The following HSPA12A variants were observed in gnomAD, a reference collection of about 807,000 sequenced individuals.
The protein encoded by HSPA12A is heat shock 70 kDa protein 12A.
Under a neutral mutation model 69.2 loss-of-function variants are expected in HSPA12A, and 28 were observed. The observed-to-expected ratio is 0.40, with a 90% CI of 0.30 to 0.55. HSPA12A has a LOEUF of 0.55. HSPA12A is among the 20% of genes least tolerant of loss of function. The probability of loss-of-function intolerance (pLI) is 0.38; values close to 1 mark genes in which losing one functional copy is unlikely to be tolerated. For synonymous variants in HSPA12A, 345 were observed against 370.5 expected, an observed-to-expected ratio of 0.93 and a Z score of 0.79; for missense variants, 686 against 900.7, an observed-to-expected ratio of 0.76 and a Z score of 3.05.
At chr10:116,761,976 T>A (rs1843982682) in intron 2 of HSPA12A, among the ~76,000 whole-genome samples, 1 of 152,256 alleles carries the variant, frequency 6.6e-6, no homozygotes. Context: ...TTTTTGGATG[T>A]TGTGCTAGTC....
intron 2 of HSPA12A, among the ~76,000 whole-genome samples, chr10:116,774,347 T>C (rs567874386): frequency 6.6e-6 from 1 of 152,326 alleles, no homozygotes; most frequent in African/African-American, 2.4e-5. Flanking sequence ...TAGAGCACTC[T>C]GCGAGGGTCC....
chr10:116,838,718 G>A (rs1845757191), intron 1 of HSPA12A, among the ~76,000 whole-genome samples: 1 of 152,146 alleles, frequency 6.6e-6, no homozygotes, highest in African/African-American at 2.4e-5. Flanking sequence ...ATACAAAAGA[G>A]GGTTTGTAAA....
intron 2 of HSPA12A, chr10:116,828,913 T>A (rs1289264719): frequency 6.6e-6 from 1 of 152,244 alleles, no homozygotes; most frequent in Non-Finnish European, 1.5e-5. Context: ...GCTCTGCGAT[T>A]TGTATCACTT....
chr10:116,841,354 T>A (rs780521656), intron 1 of HSPA12A, among the ~76,000 whole-genome samples: 2 of 152,222 alleles, frequency 1.3e-5, no homozygotes, highest in South Asian at 4.1e-4. Context: ...CAAGTATTAA[T>A]GGAAACGTTT....
intron 1 of HSPA12A, among the ~76,000 whole-genome samples, chr10:116,840,486 T>C (rs1845785944): frequency 6.6e-6 from 1 of 152,212 alleles, no homozygotes; most frequent in African/African-American, 2.4e-5. Context: ...ATTCTCAAAA[T>C]CAGCACAGAA....
intron 1 of HSPA12A, among the ~76,000 whole-genome samples, chr10:116,729,057 G>A (rs1851069923): frequency 1.3e-5 from 2 of 152,226 alleles, no homozygotes; most frequent in African/African-American, 4.8e-5. Flanking sequence ...CTGGCTCTCT[G>A]GGTACCTCAC....
intron 1 of HSPA12A, among the ~76,000 whole-genome samples, chr10:116,717,694 G>A (rs1180121004): frequency 6.6e-6 from 1 of 152,050 alleles, no homozygotes; most frequent in African/African-American, 2.4e-5. Context: ...TTATAAAATC[G>A]TTCCAACTGC....
intron 2 of HSPA12A, among the ~76,000 whole-genome samples, chr10:116,755,330 G>A (rs202039282): frequency 7.9e-5 from 12 of 152,148 alleles, no homozygotes; most frequent in East Asian, 1.9e-4. Context: ...TGAAGGTGGC[G>A]GCTGGGCACA....
At chr10:116,702,661 A>C (rs1850114024) in intron 3 of HSPA12A, among the ~76,000 whole-genome samples, 1 of 152,224 alleles carries the variant, frequency 6.6e-6, no homozygotes, top group Non-Finnish European at 1.5e-5. Context: ...TGGAATTGTC[A>C]TTAACAGTGA....
chr10:116,818,226 T>C (rs966644818), intron 2 of HSPA12A, among the ~76,000 whole-genome samples: 18 of 152,206 alleles, frequency 1.2e-4, no homozygotes, highest in African/African-American at 4.3e-4. Context: ...GCATATGAGC[T>C]TGGTCACAAT....
chr10:116,718,068 T>C (rs1313461484), intron 1 of HSPA12A, among the ~76,000 whole-genome samples: 5 of 152,176 alleles, frequency 3.3e-5, no homozygotes, highest in Non-Finnish European at 5.9e-5. Flanking sequence ...ACTCACTGGG[T>C]CACTGTCAAG....
At chr10:116,759,295 T>C (rs1311681128) in intron 2 of HSPA12A, among the ~76,000 whole-genome samples, 1 of 152,244 alleles carries the variant, frequency 6.6e-6, no homozygotes, top group Non-Finnish European at 1.5e-5. Context: ...ACTGTTAGCT[T>C]GACCTCAGGA....
chr10:116,754,971 T>G lies in HSPA12A; in HGVS notation c.92-47686A>C, dbSNP rs574530107. Among the ~76,000 whole-genome samples the G allele has an allele frequency of 2.8e-3, 424 of 152,262 alleles. 3 individuals carry two copies. The highest frequency in any genetic ancestry group is 9.6e-3 in the African/African-American group (398 of 41,554). ...ATATTTATCCATGTATTTTTTTTTT[T>G]GAAACAGAATCTCACTCTGTCGCCC... On this transcript the variant is annotated intron_variant, in intron 2 of 12. Transcript: ENST00000635765.
At chr10:116,684,031 C>T (rs1849501606) in intron 6 of HSPA12A, 69 bp from the exon 7 acceptor site, 31 of 1,361,808 alleles carry the variant, frequency 2.3e-5, no homozygotes, top group Non-Finnish European at 3.0e-5. Context: ...ACACCCGTGC[C>T]TGGACTGACA....
intron 6 of HSPA12A, among the ~76,000 whole-genome samples, chr10:116,690,371 G>A (rs1183851296): frequency 2.6e-5 from 4 of 152,134 alleles, no homozygotes; most frequent in African/African-American, 7.2e-5. Flanking sequence ...TAGGCCTCTA[G>A]TTTAGGTTTG....
chr10:116,799,944 G>A (rs1462246995), intron 2 of HSPA12A, among the ~76,000 whole-genome samples: 1 of 152,210 alleles, frequency 6.6e-6, no homozygotes, highest in African/African-American at 2.4e-5. Context: ...CATTCTAGCA[G>A]GTGAATGAAA....
intron 6 of HSPA12A, among the ~76,000 whole-genome samples, chr10:116,688,617 C>CAGGCTACAGAA (rs1184312011): frequency 6.6e-6 from 1 of 152,226 alleles, no homozygotes; most frequent in Non-Finnish European, 1.5e-5. Flanking sequence ...GGTCTGCGGT[C>CAGGCTACAGAA]AGGCTACAGA....
chr10:116,803,686 C>T (rs1845008566), intron 2 of HSPA12A, among the ~76,000 whole-genome samples: 1 of 152,162 alleles, frequency 6.6e-6, no homozygotes, highest in African/African-American at 2.4e-5. Context: ...TTCCAGAAAC[C>T]AGCTGTTTCT....
At position 116,735,054 on chromosome 10, in the gene HSPA12A, T is replaced by C. The variant is rs535575419; in HGVS notation, c.40+7376A>G. On this transcript the variant is annotated intron_variant, in intron 1 of 11. Coordinates refer to ENST00000369209, the MANE Select transcript of HSPA12A (RefSeq NM_025015.3). ...CAAAGTGCAAACATACTGGGAAAAATTGAGAATGTGCCAACACAACTTTTC... is the reference window on the plus strand; with the variant it reads ...CAAAGTGCAAACATACTGGGAAAAACTGAGAATGTGCCAACACAACTTTTC... Among the ~76,000 whole-genome samples, 6 of 152,212 alleles carry C rather than the reference T, an allele frequency of 3.9e-5. No homozygotes were observed. In the South Asian group the frequency reaches 1.0e-3, roughly 26 times the overall value.
Sources: gnomAD v4.1 joint callset for allele counts (sites outside exome capture counted in the v4.1 genomes callset) on GRCh38, gnomAD v4.1.1 for gene constraint, MANE v1.5 for transcripts, NCBI Gene and HGNC (gene_info 2026-07-23, HGNC 2026-07-21) for gene names.